The following CSMD1 variants were observed in gnomAD, a reference collection of about 807,000 sequenced individuals.
CSMD1 encodes CUB and Sushi multiple domains 1, also known as CUB and sushi domain-containing protein 1.
CSMD1 carries 213 observed loss-of-function variants against 417.5 expected under a neutral mutation model. The observed-to-expected ratio is 0.51, with a 90% CI of 0.46 to 0.57. The LOEUF (loss-of-function observed/expected upper bound fraction) is 0.57. CSMD1 is among the 20% of genes least tolerant of loss of function. The probability of loss-of-function intolerance (pLI) is 0.00; values close to 1 mark genes in which losing one functional copy is unlikely to be tolerated. For synonymous variants in CSMD1, 2,862 were observed against 1,736.8 expected, an observed-to-expected ratio of 1.65 and a Z score of -16.11; for missense variants, 6,923 against 4,529.7, an observed-to-expected ratio of 1.53 and a Z score of -15.17.
intron 41 of CSMD1, among the ~76,000 whole-genome samples, chr8:3,138,834 G>T (rs536259799): frequency 1.3e-5 from 2 of 152,296 alleles, no homozygotes; most frequent in Admixed American, 1.3e-4. Context: ...TATAGATGTT[G>T]AACGATTTCC....
At chr8:4,924,543 C>T (rs1806721673) in intron 1 of CSMD1, among the ~76,000 whole-genome samples, 2 of 151,742 alleles carry the variant, frequency 1.3e-5, no homozygotes, top group Admixed American at 6.6e-5. Context: ...GCCAACATGG[C>T]AAAACCCGTC....
At chr8:3,820,724 C>A (rs570464317) in intron 5 of CSMD1, among the ~76,000 whole-genome samples, 53 of 152,098 alleles carry the variant, frequency 3.5e-4, no homozygotes, top group African/African-American at 1.2e-3. Context: ...TACAGGCATG[C>A]GCCACCGTGC....
intron 3 of CSMD1, among the ~76,000 whole-genome samples, chr8:4,057,059 G>A (rs374584948): frequency 6.6e-6 from 1 of 152,178 alleles, no homozygotes; most frequent in South Asian, 2.1e-4. Context: ...CCAGTAATGG[G>A]ATGCCTGGGT....
chr8:3,899,423 G>C (rs1206005344), intron 5 of CSMD1, among the ~76,000 whole-genome samples: 1 of 152,186 alleles, frequency 6.6e-6, no homozygotes, highest in East Asian at 1.9e-4. Flanking sequence ...CAACATGTTG[G>C]CCACAGGGAT....
In CSMD1 at chr8:4,536,884, T is replaced by C. The variant is rs376445650; in HGVS notation, c.302+100458A>G. ...CACAATAGTGCATCAGAGTGCCAGT[T>C]TCTCCAGACTCTCAGGGAGAAATTG... On this transcript the variant is annotated intron_variant, in intron 2 of 69. Transcript: ENST00000635120. Among the ~76,000 whole-genome samples, 5 of 152,326 alleles carry C rather than the reference T, an allele frequency of 3.3e-5. No individual in the cohort carries two copies. In the East Asian group the frequency reaches 9.6e-4, roughly 29 times the overall value.
intron 41 of CSMD1, among the ~76,000 whole-genome samples, chr8:3,138,498 T>G (rs1818239833): frequency 6.6e-6 from 1 of 152,122 alleles, no homozygotes; most frequent in South Asian, 2.1e-4. Context: ...ATGGGAGAGA[T>G]TTGGTGGGAA....
chr8:4,374,522 G>C (rs139591271), intron 3 of CSMD1, among the ~76,000 whole-genome samples: 2 of 152,198 alleles, frequency 1.3e-5, no homozygotes, highest in Admixed American at 6.5e-5. Context: ...AGCAGATCTA[G>C]AGAGAAGAGG....
intron 3 of CSMD1, among the ~76,000 whole-genome samples, chr8:4,211,257 CTG>C (rs1800293748): frequency 6.6e-6 from 1 of 151,684 alleles, no homozygotes. Context: ...GGAAAAGAAA[CTG>C]AAAGAAATCC....
chr8:4,295,094 A>G (rs1465353238), intron 3 of CSMD1, among the ~76,000 whole-genome samples: 1 of 98,102 alleles, frequency 1.0e-5, no homozygotes, highest in Admixed American at 1.1e-4. Context: ...TTAAGATTAC[A>G]CACATATAAT....
Position 4,848,399 on chromosome 8 carries a change from A to G in CSMD1, c.85+145933T>C, listed in dbSNP as rs79285875. 5.9e-3 allele frequency among the ~76,000 whole-genome samples: 905 copies of G among 152,322 alleles called. 2 individuals carry two copies. Among genetic ancestry groups the G allele is most frequent in the Non-Finnish European group, 9.8e-3 (665 of 68,030 alleles). ...ATTATAGTGGAGCTGAAAAATTCCT[A>G]TGAGCTAGTAATGGCCTATGGTCTT... On this transcript the variant is annotated intron_variant, in intron 1 of 69. Transcript: ENST00000635120.
intron 1 of CSMD1, among the ~76,000 whole-genome samples, chr8:4,720,208 C>A (rs1808963491): frequency 6.6e-6 from 1 of 150,440 alleles, no homozygotes; most frequent in African/African-American, 2.4e-5. Flanking sequence ...TACTTTTGTT[C>A]CTTGATGTTT....
intron 3 of CSMD1, among the ~76,000 whole-genome samples, chr8:4,198,807 G>A (rs913366659): frequency 2.0e-5 from 3 of 151,942 alleles, no homozygotes; most frequent in South Asian, 4.2e-4. Context: ...ATTAACAGAG[G>A]TCATGGCACA....
chr8:3,521,895 G>A (rs1199233986), intron 10 of CSMD1, among the ~76,000 whole-genome samples: 1 of 152,100 alleles, frequency 6.6e-6, no homozygotes, highest in African/African-American at 2.4e-5. Context: ...ATTTTGTGTT[G>A]TCAATAAAAG....
chr8:4,512,408 T>A (rs1802871101), intron 2 of CSMD1, among the ~76,000 whole-genome samples: 1 of 152,176 alleles, frequency 6.6e-6, no homozygotes, highest in Non-Finnish European at 1.5e-5. Flanking sequence ...TCACCACTGA[T>A]TTCCAACATC....
At chr8:4,163,985 G>T (rs561227108) in intron 3 of CSMD1, among the ~76,000 whole-genome samples, 1 of 152,180 alleles carries the variant, frequency 6.6e-6, no homozygotes, top group Non-Finnish European at 1.5e-5. Context: ...ATGTGGGATT[G>T]AGGAATAATC....
At chr8:3,580,785 G>A (rs1174152681) in intron 9 of CSMD1, among the ~76,000 whole-genome samples, 1 of 151,912 alleles carries the variant, frequency 6.6e-6, no homozygotes, top group African/African-American at 2.4e-5. Context: ...TCTATAACCT[G>A]GTATAAAGAA....
chr8:4,428,352 G>A (rs2128945087), intron 2 of CSMD1, among the ~76,000 whole-genome samples: 1 of 152,158 alleles, frequency 6.6e-6, no homozygotes, highest in Admixed American at 6.5e-5. Context: ...TACCTACTAG[G>A]GATTAAAAGT....
At chr8:4,253,250 A>C (rs1275137327) in intron 3 of CSMD1, among the ~76,000 whole-genome samples, 1 of 152,146 alleles carries the variant, frequency 6.6e-6, no homozygotes, top group Non-Finnish European at 1.5e-5. Context: ...TGACATCTCC[A>C]AAAAGCTTGA....
intron 2 of CSMD1, among the ~76,000 whole-genome samples, chr8:4,474,176 T>A (rs1040131323): frequency 1.4e-4 from 21 of 152,252 alleles, no homozygotes; most frequent in African/African-American, 5.1e-4. Context: ...ATGGAAATAA[T>A]CTTCGTAAGT....
Sources: allele counts gnomAD v4.1 joint callset (sites outside exome capture counted in the v4.1 genomes callset), GRCh38; gene constraint gnomAD v4.1.1; transcripts MANE v1.5; gene names NCBI Gene and HGNC (gene_info 2026-07-23, HGNC 2026-07-21).